SPAG16: variants seen among roughly 807,000 people sequenced by gnomAD.
The protein encoded by SPAG16 is sperm-associated antigen 16 protein.
Under a neutral mutation model 80.4 loss-of-function variants are expected in SPAG16, and 86 were observed. The ratio of observed to expected loss-of-function variants is 1.07; its 90% CI spans 0.90 to 1.28. The LOEUF (loss-of-function observed/expected upper bound fraction) is 1.28, where lower values mean the gene tolerates loss of function less well. Among genes scored for constraint, SPAG16 ranks in the 50% most tolerant of loss-of-function variants. The pLI is 0.00. For missense variants in SPAG16, 870 were observed against 765.3 expected, an observed-to-expected ratio of 1.14 and a Z score of -1.61; for synonymous variants, 294 against 265.9, an observed-to-expected ratio of 1.11 and a Z score of -1.03.
intron 10 of SPAG16, among the ~76,000 whole-genome samples, chr2:213,567,219 T>G (rs1384227298): frequency 1.4e-5 from 2 of 147,950 alleles, no homozygotes; most frequent in African/African-American, 2.6e-5. Context: ...TTAAAATTAC[T>G]TGTTTGACAT....
chr2:214,254,177 G>A (rs1690509195), intron 15 of SPAG16, among the ~76,000 whole-genome samples: 2 of 152,050 alleles, frequency 1.3e-5, no homozygotes, highest in African/African-American at 4.8e-5. Context: ...AGCTTAAGTC[G>A]ATTTTGGGCT....
chr2:213,544,631 A>T (rs1428626833), intron 10 of SPAG16, among the ~76,000 whole-genome samples: 1 of 152,122 alleles, frequency 6.6e-6, no homozygotes, highest in Non-Finnish European at 1.5e-5. Context: ...AGTATCAAAC[A>T]GGGTACTTTC....
At chr2:214,045,340 C>A (rs942221023) in intron 13 of SPAG16, among the ~76,000 whole-genome samples, 2 of 152,160 alleles carry the variant, frequency 1.3e-5, no homozygotes, top group African/African-American at 2.4e-5. Flanking sequence ...CTGGCAGGAT[C>A]CATCACCTGT....
chr2:213,477,907 T>A (rs2073506078), intron 9 of SPAG16, among the ~76,000 whole-genome samples: 1 of 152,140 alleles, frequency 6.6e-6, no homozygotes, highest in South Asian at 2.1e-4. Context: ...AATCTCATCT[T>A]GAATTGTAAT....
At chr2:213,798,793 A>G (rs1019668809) in intron 10 of SPAG16, among the ~76,000 whole-genome samples, 1 of 152,164 alleles carries the variant, frequency 6.6e-6, no homozygotes, top group Non-Finnish European at 1.5e-5. Context: ...TATTTTTACA[A>G]TGGATGCCCA....
chr2:213,820,533 G>T lies in SPAG16; in HGVS notation c.1071-41952G>T, dbSNP rs111826824. 9.4e-3 allele frequency among the ~76,000 whole-genome samples: 1,423 copies of T among 152,114 alleles called. 18 individuals carry two copies. The highest frequency in any genetic ancestry group is 0.033 in the African/African-American group (1,367 of 41,490). Reference sequence around the variant, plus strand: ...TTTCAGTTTTTATAAGCACAAAAAAGGTAGAACCTTGATTTGCTGAGAATG... The same window carrying T: ...TTTCAGTTTTTATAAGCACAAAAAATGTAGAACCTTGATTTGCTGAGAATG... On this transcript the variant is annotated intron_variant, in intron 10 of 15. Coordinates refer to ENST00000331683, the MANE Select transcript of SPAG16 (RefSeq NM_024532.5).
chr2:214,209,471 A>G (rs1266847087), intron 15 of SPAG16, among the ~76,000 whole-genome samples: 1 of 152,198 alleles, frequency 6.6e-6, no homozygotes, highest in Non-Finnish European at 1.5e-5. Flanking sequence ...AAAACTATTC[A>G]AACAAAAGCA....
At chr2:214,097,758 T>C (rs2052701880) in intron 13 of SPAG16, among the ~76,000 whole-genome samples, 1 of 152,040 alleles carries the variant, frequency 6.6e-6, no homozygotes, top group South Asian at 2.1e-4. Flanking sequence ...TATGAAGTGA[T>C]AAAGACGGTA....
intron 10 of SPAG16, among the ~76,000 whole-genome samples, chr2:213,763,557 G>C (rs1357021391): frequency 6.6e-6 from 1 of 152,090 alleles, no homozygotes; most frequent in Admixed American, 6.6e-5. Flanking sequence ...TAGAGTTTCA[G>C]TTATGCAACA....
intron 11 of SPAG16, among the ~76,000 whole-genome samples, chr2:213,877,509 C>G (rs2076186505): frequency 6.6e-6 from 1 of 152,104 alleles, no homozygotes; most frequent in African/African-American, 2.4e-5. Context: ...GAGATGAGAT[C>G]TCACTATATT....
intron 6 of SPAG16, among the ~76,000 whole-genome samples, chr2:213,343,454 A>G (rs949605262): frequency 6.6e-6 from 1 of 152,168 alleles, no homozygotes; most frequent in Non-Finnish European, 1.5e-5. Flanking sequence ...CCAACATACA[A>G]TAAATAAATA....
chr2:214,101,355 G>A (rs1357766531), intron 13 of SPAG16, among the ~76,000 whole-genome samples: 2 of 151,976 alleles, frequency 1.3e-5, no homozygotes, highest in Non-Finnish European at 2.9e-5. Context: ...TGGGTGTGGG[G>A]CATTCCTGCT....
At chr2:213,682,178 T>C (rs2064425139) in intron 10 of SPAG16, among the ~76,000 whole-genome samples, 1 of 152,198 alleles carries the variant, frequency 6.6e-6, no homozygotes, top group African/African-American at 2.4e-5. Context: ...CTGCCCTATT[T>C]CCTGACAAAA....
intron 15 of SPAG16, among the ~76,000 whole-genome samples, chr2:214,254,625 T>C: frequency 6.6e-6 from 1 of 152,014 alleles, no homozygotes; most frequent in East Asian, 1.9e-4. Flanking sequence ...TCTTTGAGAA[T>C]GAAGACAGTT....
intron 13 of SPAG16, among the ~76,000 whole-genome samples, chr2:214,104,180 C>G (rs536252240): frequency 6.6e-6 from 1 of 152,090 alleles, no homozygotes; most frequent in Non-Finnish European, 1.5e-5. Context: ...CTTAGAAAGC[C>G]CTGACCATGA....
At chr2:214,006,111 T>G (rs1029441501) in intron 12 of SPAG16, among the ~76,000 whole-genome samples, 18 of 151,582 alleles carry the variant, frequency 1.2e-4, no homozygotes, top group African/African-American at 4.2e-4. Flanking sequence ...CGGATAGATA[T>G]TTTTTAATCT....
chr2:214,266,837 CAA>C (rs1691610798), intron 15 of SPAG16, among the ~76,000 whole-genome samples: 1 of 150,394 alleles, frequency 6.6e-6, no homozygotes, highest in Non-Finnish European at 1.5e-5. Context: ...GTCCCAATTA[CAA>C]AAGAGTTAAA....
At chr2:214,130,269 G>A (rs1044900153) in intron 14 of SPAG16, among the ~76,000 whole-genome samples, 1 of 152,088 alleles carries the variant, frequency 6.6e-6, no homozygotes, top group African/African-American at 2.4e-5. Flanking sequence ...AAACTGGTTT[G>A]GATTAATCAC....
chr2:213,972,826 C>T (rs2045148083), intron 12 of SPAG16, among the ~76,000 whole-genome samples: 2 of 151,628 alleles, frequency 1.3e-5, no homozygotes, highest in African/African-American at 2.4e-5. Context: ...ATACTTTTTC[C>T]CTTATCAGGT....
Sources: gnomAD v4.1 joint callset for allele counts (sites outside exome capture counted in the v4.1 genomes callset) on GRCh38, gnomAD v4.1.1 for gene constraint, MANE v1.5 for transcripts, NCBI Gene and HGNC (gene_info 2026-07-23, HGNC 2026-07-21) for gene names.